PCDH9: variants seen among roughly 807,000 people sequenced by gnomAD.
PCDH9 encodes protocadherin 9, also known as protocadherin-9.
A neutral mutation model predicts 70.6 loss-of-function variants in PCDH9; 24 were observed. That is an observed-to-expected ratio of 0.34 (90% CI 0.25 to 0.48). PCDH9 has a LOEUF of 0.48. Ranked by LOEUF, PCDH9 falls within the 20% of genes least tolerant of loss-of-function variation. The pLI, the probability that PCDH9 is intolerant of heterozygous loss-of-function variation, is 0.99. For missense variants in PCDH9, 1,281 were observed against 1,503.6 expected (o/e 0.85, Z 2.45); for synonymous variants, 562 against 558.5 (o/e 1.01, Z -0.09).
chr13:66,717,787 T>C (rs554620523), intron 3 of PCDH9, among the ~76,000 whole-genome samples: 5 of 152,198 alleles, frequency 3.3e-5, no homozygotes, highest in Admixed American at 1.3e-4. Flanking sequence ...TTCCTAGATC[T>C]GATTCTCAGA....
chr13:66,964,647 A>T (rs1482495693), intron 2 of PCDH9, among the ~76,000 whole-genome samples: 1 of 152,082 alleles, frequency 6.6e-6, no homozygotes, highest in Non-Finnish European at 1.5e-5. Flanking sequence ...GATTCTAACA[A>T]ATTTTTAATT....
intron 4 of PCDH9, among the ~76,000 whole-genome samples, chr13:66,332,076 G>T (rs1257712522): frequency 6.6e-6 from 1 of 152,098 alleles, no homozygotes; most frequent in Non-Finnish European, 1.5e-5. Context: ...GCAGGTGTTT[G>T]CTAAAAAGCA....
At chr13:66,431,325 C>T (rs563654892) in intron 4 of PCDH9, among the ~76,000 whole-genome samples, 2 of 152,092 alleles carry the variant, frequency 1.3e-5, no homozygotes, top group Middle Eastern at 3.4e-3. Flanking sequence ...ATCAATACTA[C>T]AAGTATTAAT....
At chr13:66,939,457 T>TGTGTGA (rs1491222230) in intron 2 of PCDH9, among the ~76,000 whole-genome samples, 1 of 149,994 alleles carries the variant, frequency 6.7e-6, no homozygotes, top group South Asian at 2.1e-4. Flanking sequence ...TGTGTGTGTG[T>TGTGTGA]GACGGAGTCT....
intron 3 of PCDH9, among the ~76,000 whole-genome samples, chr13:66,687,412 T>A (rs926362851): frequency 4.6e-5 from 7 of 152,156 alleles, no homozygotes; most frequent in Admixed American, 4.6e-4. Flanking sequence ...TTCTTGCGGA[T>A]CCTGCCAAAA....
chr13:66,993,972 A>T, intron 2 of PCDH9, among the ~76,000 whole-genome samples: 1 of 152,164 alleles, frequency 6.6e-6, no homozygotes, highest in East Asian at 1.9e-4. Flanking sequence ...GGGAATTGTT[A>T]ATTGTTGGAG....
At chr13:66,398,233 C>A (rs897307077) in intron 4 of PCDH9, among the ~76,000 whole-genome samples, 1 of 152,002 alleles carries the variant, frequency 6.6e-6, no homozygotes, top group Non-Finnish European at 1.5e-5. Context: ...GACTCTGTGT[C>A]CAAATTAAGG....
intron 2 of PCDH9, among the ~76,000 whole-genome samples, chr13:66,985,223 T>C (rs113254951): frequency 6.6e-6 from 1 of 152,126 alleles, no homozygotes; most frequent in Non-Finnish European, 1.5e-5. Context: ...ATATATATTC[T>C]TTCTGTCTTC....
At chr13:67,156,847 G>T (rs1435857644) in intron 2 of PCDH9, among the ~76,000 whole-genome samples, 1 of 152,072 alleles carries the variant, frequency 6.6e-6, no homozygotes, top group East Asian at 1.9e-4. Context: ...ACAGCCTGCC[G>T]TCTGTATGCT....
chr13:66,865,885 A>G (rs955383084), intron 3 of PCDH9, among the ~76,000 whole-genome samples: 1 of 152,220 alleles, frequency 6.6e-6, no homozygotes, highest in Non-Finnish European at 1.5e-5. Context: ...AAATAATTTG[A>G]ATGAGAAATG....
chr13:66,687,415 T>C (rs1271245979), intron 3 of PCDH9, among the ~76,000 whole-genome samples: 1 of 152,142 alleles, frequency 6.6e-6, no homozygotes, highest in Non-Finnish European at 1.5e-5. Flanking sequence ...TTGCGGATCC[T>C]GCCAAAATAC....
rs928979491 is a variant in PCDH9 at position 66,662,360 on chromosome 13, C to A, written c.3139-30949G>T. ...TGGTGGCTCATGCCTGTAATCCCAG[C>A]TACTTGGGAGACTTAGGCAGGAGAA... On this transcript the variant is annotated intron_variant, in intron 3 of 4. Coordinates refer to ENST00000377865, the MANE Select transcript of PCDH9 (RefSeq NM_203487.3). Among the ~76,000 whole-genome samples, 4 of 151,894 alleles carry A rather than the reference C, an allele frequency of 2.6e-5. No homozygotes were observed. The South Asian group carries it at 8.3e-4, about 32-fold the overall frequency.
chr13:66,993,498 T>C (rs929296865), intron 2 of PCDH9, among the ~76,000 whole-genome samples: 11 of 152,166 alleles, frequency 7.2e-5, no homozygotes, highest in Non-Finnish European at 1.0e-4. Context: ...GGACAGGGAA[T>C]GGGGAGGCTG....
intron 2 of PCDH9, among the ~76,000 whole-genome samples, chr13:66,985,107 C>A (rs185854033): frequency 6.6e-6 from 1 of 152,090 alleles, no homozygotes; most frequent in African/African-American, 2.4e-5. Flanking sequence ...CCTCACTGGC[C>A]TAGCCATCAC....
chr13:66,433,987 T>C (rs1957821280), intron 4 of PCDH9, among the ~76,000 whole-genome samples: 1 of 151,890 alleles, frequency 6.6e-6, no homozygotes, highest in Non-Finnish European at 1.5e-5. Context: ...TTATTCATGG[T>C]CAAGAGGCAA....
intron 4 of PCDH9, among the ~76,000 whole-genome samples, chr13:66,531,312 G>A (rs1002394306): frequency 1.3e-5 from 2 of 151,904 alleles, no homozygotes; most frequent in Non-Finnish European, 2.9e-5. Context: ...TATTCCTATC[G>A]AGTACAAGAA....
chr13:67,182,893 C>T (rs1041775814), intron 2 of PCDH9, among the ~76,000 whole-genome samples: 5 of 151,994 alleles, frequency 3.3e-5, no homozygotes, highest in African/African-American at 1.2e-4. Flanking sequence ...TTGGAAGGAT[C>T]AATGTAGGAA....
At chr13:66,743,361 G>T (rs2139206628) in intron 3 of PCDH9, among the ~76,000 whole-genome samples, 2 of 123,464 alleles carry the variant, frequency 1.6e-5, no homozygotes, top group South Asian at 3.3e-4. Context: ...GGGGGAGGGG[G>T]GAGGGATAGC....
chr13:66,685,405 C>T (rs1353289710), intron 3 of PCDH9, among the ~76,000 whole-genome samples: 1 of 152,232 alleles, frequency 6.6e-6, no homozygotes, highest in Non-Finnish European at 1.5e-5. Context: ...AGAACCTCCA[C>T]CTATATCCCA....
Sources: allele counts gnomAD v4.1 joint callset (sites outside exome capture counted in the v4.1 genomes callset), GRCh38; gene constraint gnomAD v4.1.1; transcripts MANE v1.5; gene names NCBI Gene and HGNC (gene_info 2026-07-23, HGNC 2026-07-21).